The following ADARB2 variants were observed in gnomAD, a reference collection of about 807,000 sequenced individuals.
ADARB2 encodes adenosine deaminase RNA specific B2 (inactive).
Under a neutral mutation model 62.2 loss-of-function variants are expected in ADARB2, and 25 were observed. The observed-to-expected ratio is 0.40, with a 90% CI of 0.29 to 0.56. The LOEUF (loss-of-function observed/expected upper bound fraction) is 0.56. Ranked by LOEUF, ADARB2 falls within the 20% of genes least tolerant of loss-of-function variation. The pLI is 0.43. For missense variants in ADARB2, 1,071 were observed against 1,077.4 expected, an observed-to-expected ratio of 0.99 and a Z score of 0.08; for synonymous variants, 572 against 500.8, an observed-to-expected ratio of 1.14 and a Z score of -1.90.
At chr10:1,578,213 G>A (rs1291245433) in intron 1 of ADARB2, among the ~76,000 whole-genome samples, 1 of 152,154 alleles carries the variant, frequency 6.6e-6, no homozygotes, top group East Asian at 1.9e-4. Context: ...CGGAACAGAT[G>A]GCACGTGCAG....
intron 4 of ADARB2, among the ~76,000 whole-genome samples, chr10:1,262,471 C>A (rs181547616): frequency 6.6e-6 from 1 of 151,874 alleles, no homozygotes; most frequent in African/African-American, 2.4e-5. Context: ...AAAAAGTGGG[C>A]GAAGGTATGA....
rs150875559 is a variant in ADARB2 at position 1,480,923 on chromosome 10, A to G, written c.101-101763T>C. ...AATCCACAGATTCAATGTAATCTCT[A>G]TCAACATCCCAAGGACTTTTTTTCA... On this transcript the variant is annotated intron_variant, in intron 1 of 9. Transcript: ENST00000381312. Among the ~76,000 whole-genome samples, 380 of 152,336 alleles carry G rather than the reference A, an allele frequency of 2.5e-3. 1 individual carries two copies. Among genetic ancestry groups the G allele is most frequent in the African/African-American group, 8.3e-3 (345 of 41,560 alleles).
chr10:1,693,560 A>T (rs1834700217), intron 1 of ADARB2, among the ~76,000 whole-genome samples: 1 of 152,230 alleles, frequency 6.6e-6, no homozygotes, highest in Admixed American at 6.5e-5. Flanking sequence ...ACGACCTGTG[A>T]TATTGTTTTC....
intron 3 of ADARB2, among the ~76,000 whole-genome samples, chr10:1,350,304 G>A (rs1325572552): frequency 6.6e-6 from 1 of 151,964 alleles, no homozygotes; most frequent in Non-Finnish European, 1.5e-5. Context: ...CCTCCCCTCA[G>A]TCCCAATCCC....
intron 1 of ADARB2, among the ~76,000 whole-genome samples, chr10:1,729,279 A>G (rs544343278): frequency 6.6e-6 from 1 of 152,338 alleles, no homozygotes; most frequent in East Asian, 1.9e-4. Context: ...ATTTATAAAA[A>G]CAATGTCCTT....
chr10:1,226,804 G>A (rs1174315971), intron 6 of ADARB2, among the ~76,000 whole-genome samples: 1 of 152,222 alleles, frequency 6.6e-6, no homozygotes, highest in African/African-American at 2.4e-5. Flanking sequence ...GCTGTGTGAG[G>A]TGTCAGTCTG....
At chr10:1,337,351 C>G (rs532418733) in intron 3 of ADARB2, among the ~76,000 whole-genome samples, 52 of 152,234 alleles carry the variant, frequency 3.4e-4, no homozygotes, top group Admixed American at 9.8e-4. Flanking sequence ...GCACACTCAC[C>G]TTAGATGGCA....
chr10:1,351,508 C>T lies in ADARB2; in HGVS notation c.1077+11520G>A, dbSNP rs571127428. ...CACCTGCCCAGTTCCCTTATTAGGC[C>T]GAGACACTTTAAATTATCTGCTTCC... On this transcript the variant is annotated intron_variant, in intron 3 of 9. Transcript: ENST00000381312. Among the ~76,000 whole-genome samples, 97 of 152,064 alleles carry T rather than the reference C, an allele frequency of 6.4e-4. 1 individual carries two copies. In the South Asian group the frequency reaches 0.019, roughly 30 times the overall value.
chr10:1,733,827 C>T (rs922787343), intron 1 of ADARB2, among the ~76,000 whole-genome samples: 1 of 152,022 alleles, frequency 6.6e-6, no homozygotes, highest in Non-Finnish European at 1.5e-5. Context: ...AAATGAACTC[C>T]AGGGGTATTT....
chr10:1,624,849 A>G (rs1159062038), intron 1 of ADARB2, among the ~76,000 whole-genome samples: 2 of 152,202 alleles, frequency 1.3e-5, no homozygotes, highest in African/African-American at 4.8e-5. Context: ...GGCTTTTGTG[A>G]GTGCTTGAGA....
At chr10:1,522,577 T>C (rs1413212287) in intron 1 of ADARB2, among the ~76,000 whole-genome samples, 1 of 152,164 alleles carries the variant, frequency 6.6e-6, no homozygotes, top group Non-Finnish European at 1.5e-5. Context: ...TTTTGCATGT[T>C]CCAGCTCCTT....
intron 1 of ADARB2, among the ~76,000 whole-genome samples, chr10:1,486,991 G>C (rs1019513041): frequency 1.3e-5 from 2 of 152,230 alleles, no homozygotes; most frequent in African/African-American, 4.8e-5. Flanking sequence ...ACAGACCTCT[G>C]TGCTCTCAGT....
At chr10:1,463,175 A>G (rs1831201065) in intron 1 of ADARB2, among the ~76,000 whole-genome samples, 1 of 152,122 alleles carries the variant, frequency 6.6e-6, no homozygotes, top group Admixed American at 6.5e-5. Context: ...CAGCGGGGGC[A>G]CAGGAAGTCA....
At chr10:1,722,842 C>A (rs1186921272) in intron 1 of ADARB2, among the ~76,000 whole-genome samples, 3 of 152,158 alleles carry the variant, frequency 2.0e-5, no homozygotes, top group Non-Finnish European at 4.4e-5. Context: ...TTTCCTTTAA[C>A]CCTCAAATCA....
At chr10:1,446,947 TTATAGC>T (rs1264041915) in intron 1 of ADARB2, among the ~76,000 whole-genome samples, 2 of 152,206 alleles carry the variant, frequency 1.3e-5, no homozygotes, top group African/African-American at 2.4e-5. Flanking sequence ...CTTAATTGAA[TTATAGC>T]GCTTGGGTTC....
intron 1 of ADARB2, among the ~76,000 whole-genome samples, chr10:1,674,530 G>T (rs144446053): frequency 2.4e-3 from 368 of 152,296 alleles, no homozygotes; most frequent in Non-Finnish European, 4.2e-3. Context: ...AAGTAGTCAC[G>T]ATCGTGATTT....
intron 1 of ADARB2, among the ~76,000 whole-genome samples, chr10:1,636,677 T>C (rs1459363459): frequency 6.6e-6 from 1 of 151,346 alleles, no homozygotes; most frequent in African/African-American, 2.4e-5. Context: ...TTTATATATA[T>C]GTAGATAGAT....
At chr10:1,221,822 TG>T (rs1830698404) in intron 6 of ADARB2, among the ~76,000 whole-genome samples, 2 of 152,246 alleles carry the variant, frequency 1.3e-5, no homozygotes, top group African/African-American at 4.8e-5. Context: ...CTATCATTGT[TG>T]GACATTTAGG....
intron 1 of ADARB2, among the ~76,000 whole-genome samples, chr10:1,715,476 TA>T (rs78578495): frequency 0.13 from 19,695 of 152,128 alleles, 1,638 homozygotes; most frequent in Non-Finnish European, 0.18. Context: ...AAATGTGATT[TA>T]AAAAAATTGT....
Sources: gnomAD v4.1 joint callset for allele counts (sites outside exome capture counted in the v4.1 genomes callset) on GRCh38, gnomAD v4.1.1 for gene constraint, MANE v1.5 for transcripts, NCBI Gene and HGNC (gene_info 2026-07-23, HGNC 2026-07-21) for gene names.